SH3KBP1: variants seen among roughly 807,000 people sequenced by gnomAD.
SH3KBP1 encodes SH3 domain containing kinase binding protein 1.
Under a neutral mutation model 50.1 loss-of-function variants are expected in SH3KBP1, and 8 were observed. The ratio of observed to expected loss-of-function variants is 0.16; its 90% CI spans 0.09 to 0.29. SH3KBP1 has a LOEUF of 0.29. SH3KBP1 is among the 10% of genes least tolerant of loss of function. The pLI, the probability that SH3KBP1 is intolerant of heterozygous loss-of-function variation, is 1.00. For missense variants in SH3KBP1, 377 were observed against 535.2 expected, an observed-to-expected ratio of 0.70 and a Z score of 2.92; for synonymous variants, 227 against 218.6, an observed-to-expected ratio of 1.04 and a Z score of -0.34.
chrX:19,831,008 G>A (rs926656216), intron 2 of SH3KBP1, among the ~76,000 whole-genome samples: 6 of 111,777 alleles, frequency 5.4e-5, no homozygotes, highest in Admixed American at 9.5e-5. Flanking sequence ...GGGAATGGCT[G>A]GTATTTTTCT....
intron 1 of SH3KBP1, among the ~76,000 whole-genome samples, chrX:19,850,226 C>T (rs1245528822): frequency 2.7e-5 from 3 of 110,902 alleles, no homozygotes; most frequent in Non-Finnish European, 5.7e-5. Flanking sequence ...GCTCTGTCTC[C>T]CAGGCTGGAG....
At chrX:19,783,293 A>C (rs771313042) in intron 2 of SH3KBP1, among the ~76,000 whole-genome samples, 1 of 112,246 alleles carries the variant, frequency 8.9e-6, no homozygotes, top group African/African-American at 3.2e-5. Flanking sequence ...ATAATTGTAC[A>C]TATTTATGGG....
At chrX:19,662,057 T>C (rs1292004126) in intron 6 of SH3KBP1, among the ~76,000 whole-genome samples, 1 of 112,195 alleles carries the variant, frequency 8.9e-6, no homozygotes, top group South Asian at 3.7e-4. Flanking sequence ...AGAAATCATA[T>C]GCAACTTTCG....
intron 2 of SH3KBP1, among the ~76,000 whole-genome samples, chrX:19,756,297 C>T (rs746642784): frequency 1.8e-4 from 20 of 111,026 alleles, no homozygotes; most frequent in Non-Finnish European, 3.0e-4. Context: ...TAGAATCTGG[C>T]TCTCTCAGAA....
intron 6 of SH3KBP1, among the ~76,000 whole-genome samples, chrX:19,663,640 T>TA (rs2062520085): frequency 8.9e-6 from 1 of 112,164 alleles, no homozygotes; most frequent in Non-Finnish European, 1.9e-5. Context: ...ATTTCAGACA[T>TA]ATAGGTTTCG....
chrX:19,865,350 C>A (rs2068877992), intron 1 of SH3KBP1, among the ~76,000 whole-genome samples: 1 of 111,854 alleles, frequency 8.9e-6, no homozygotes, highest in African/African-American at 3.3e-5. Context: ...AGCCAGAATT[C>A]ATTCTTTGCA....
intron 6 of SH3KBP1, among the ~76,000 whole-genome samples, chrX:19,657,853 A>G (rs1222927578): frequency 9.3e-6 from 1 of 108,048 alleles, no homozygotes; most frequent in Non-Finnish European, 1.9e-5. Flanking sequence ...TCACTTTTAT[A>G]TAAGGTACCT....
intron 3 of SH3KBP1, among the ~76,000 whole-genome samples, chrX:19,717,942 G>A (rs1198284874): frequency 9.0e-6 from 1 of 111,213 alleles, no homozygotes; most frequent in Non-Finnish European, 1.9e-5. Context: ...GTTCAGGGCA[G>A]CATTGTTTCT....
chrX:19,766,422 T>C (rs749464285), intron 2 of SH3KBP1, among the ~76,000 whole-genome samples: 23 of 106,217 alleles, frequency 2.2e-4, no homozygotes, highest in Non-Finnish European at 3.9e-4. Flanking sequence ...CCTTATCAGA[T>C]ATATGATTTG....
intron 2 of SH3KBP1, among the ~76,000 whole-genome samples, chrX:19,809,283 TG>T (rs2067138809): frequency 8.9e-6 from 1 of 111,876 alleles, no homozygotes; most frequent in Non-Finnish European, 1.9e-5. Flanking sequence ...CCCCACACTT[TG>T]GGAGGCCGAG....
chrX:19,806,397 T>G (rs1200401865), intron 2 of SH3KBP1, among the ~76,000 whole-genome samples: 1 of 110,926 alleles, frequency 9.0e-6, no homozygotes, highest in African/African-American at 3.3e-5. Context: ...GCACCTGTAA[T>G]CCCAGCTACT....
chrX:19,678,816 G>T (rs942365599), intron 6 of SH3KBP1, among the ~76,000 whole-genome samples: 1 of 110,841 alleles, frequency 9.0e-6, no homozygotes, highest in African/African-American at 3.3e-5. Flanking sequence ...GAATACTTTC[G>T]CTAAACCACC....
At chrX:19,564,742 G>A (rs769010284) in intron 13 of SH3KBP1, among the ~76,000 whole-genome samples, 1 of 112,052 alleles carries the variant, frequency 8.9e-6, no homozygotes, top group South Asian at 3.8e-4. Flanking sequence ...GCACTTGCAG[G>A]GGAAGCCTGT....
chrX:19,552,742 G>A (rs144673653), intron 13 of SH3KBP1, among the ~76,000 whole-genome samples: 1,786 of 110,446 alleles, frequency 0.016, 16 homozygotes, highest in Non-Finnish European at 0.025. Context: ...TGCATCCCAG[G>A]AACTGACTCA....
intron 1 of SH3KBP1, among the ~76,000 whole-genome samples, chrX:19,839,305 C>T (rs1218921988): frequency 9.5e-6 from 1 of 104,740 alleles, no homozygotes; most frequent in Admixed American, 1.0e-4. Flanking sequence ...ACAATCTATA[C>T]ATAATTAAGA....
intron 1 of SH3KBP1, among the ~76,000 whole-genome samples, chrX:19,854,094 C>T (rs2068584617): frequency 1.8e-5 from 2 of 110,998 alleles, no homozygotes; most frequent in Non-Finnish European, 3.8e-5. Flanking sequence ...TGAGGTTAAA[C>T]CTCTCTTCTA....
At chrX:19,620,655 T>C (rs1257780584) in intron 8 of SH3KBP1, among the ~76,000 whole-genome samples, 1 of 111,670 alleles carries the variant, frequency 9.0e-6, no homozygotes, top group Non-Finnish European at 1.9e-5. Flanking sequence ...GGCTCCAATG[T>C]GAAAGATCCA....
At chrX:19,878,749 A>G (rs1157747931) in intron 1 of SH3KBP1, among the ~76,000 whole-genome samples, 2 of 110,815 alleles carry the variant, frequency 1.8e-5, no homozygotes, top group African/African-American at 6.6e-5. Context: ...TTAAAAAAAG[A>G]AAGTTTTGGA....
intron 2 of SH3KBP1, among the ~76,000 whole-genome samples, chrX:19,758,327 CAAAAA>C (rs60332447): frequency 5.3e-5 from 2 of 37,669 alleles, no homozygotes; most frequent in Non-Finnish European, 1.3e-4. Context: ...GACTTCGTTT[CAAAAA>C]AAAAAAAAAA....
Sources: gnomAD v4.1 joint callset for allele counts (sites outside exome capture counted in the v4.1 genomes callset) on GRCh38, gnomAD v4.1.1 for gene constraint, MANE v1.5 for transcripts, NCBI Gene and HGNC (gene_info 2026-07-23, HGNC 2026-07-21) for gene names.